UBAC2: variants seen among roughly 807,000 people sequenced by gnomAD.
UBAC2 encodes the protein UBA domain containing 2.
In UBAC2, 26 loss-of-function variants were observed where a neutral mutation model predicts 44.0. That is an observed-to-expected ratio of 0.59 (90% CI 0.43 to 0.82). The LOEUF (loss-of-function observed/expected upper bound fraction) is 0.82. UBAC2 is among the 40% of genes least tolerant of loss of function. The pLI is 0.00. For synonymous variants in UBAC2, 155 were observed against 154.3 expected (o/e 1.00, Z -0.04); for missense variants, 329 against 419.4 (o/e 0.78, Z 1.88).
chr13:99,265,481 T>A (rs1337861366), intron 4 of UBAC2, among the ~76,000 whole-genome samples: 1 of 152,256 alleles, frequency 6.6e-6, no homozygotes, highest in African/African-American at 2.4e-5. Context: ...ACATTTGATT[T>A]AGGATCAGTA....
At chr13:99,247,007 A>G (rs2043391917) in intron 4 of UBAC2, among the ~76,000 whole-genome samples, 1 of 152,092 alleles carries the variant, frequency 6.6e-6, no homozygotes, top group Non-Finnish European at 1.5e-5. Flanking sequence ...CATTTTTATT[A>G]TTATTTTTGG....
At chr13:99,357,347 T>C (rs1023677592) in intron 7 of UBAC2, among the ~76,000 whole-genome samples, 1 of 152,112 alleles carries the variant, frequency 6.6e-6, no homozygotes, top group East Asian at 1.9e-4. Context: ...GTGACTACAG[T>C]TTTAAGTCTA....
Position 99,353,277 on chromosome 13 carries a change from C to A in UBAC2, c.807+12712C>A, listed in dbSNP as rs2045123979. Among the ~76,000 whole-genome samples the A allele has an allele frequency of 3.9e-5, 6 of 152,348 alleles. No individual in the cohort carries two copies. The South Asian group carries it at 1.2e-3, about 32-fold the overall frequency. ...TATTTTCAGTGAAGTTACAGCTACG[C>A]TGTTTATCTCAATCTGTACCTCCTT... On this transcript the variant is annotated intron_variant, in intron 7 of 8. Coordinates refer to ENST00000403766, the MANE Select transcript of UBAC2 (RefSeq NM_001144072.2).
chr13:99,215,818 A>T (rs1420656138), intron 1 of UBAC2: 1 of 608,814 alleles, frequency 1.6e-6, no homozygotes, highest in Non-Finnish European at 2.9e-6. Context: ...CCGTGGTGAG[A>T]TCCCACCATC....
intron 4 of UBAC2, chr13:99,261,614 A>C (rs1364438722): frequency 6.6e-6 from 1 of 152,196 alleles, no homozygotes; most frequent in African/African-American, 2.4e-5. Flanking sequence ...AGACATTCAG[A>C]CACTTAACCT....
At chr13:99,266,313 C>T (rs558649413) in intron 4 of UBAC2, among the ~76,000 whole-genome samples, 1 of 152,112 alleles carries the variant, frequency 6.6e-6, no homozygotes, top group Non-Finnish European at 1.5e-5. Flanking sequence ...ATTGGGAGAA[C>T]TGTCTTGGGC....
chr13:99,216,735 G>A (rs905008484), intron 1 of UBAC2, among the ~76,000 whole-genome samples: 1 of 152,138 alleles, frequency 6.6e-6, no homozygotes, highest in African/African-American at 2.4e-5. Flanking sequence ...TTGGAAGGGC[G>A]GGAACGTGGA....
At chr13:99,331,136 C>T (rs1445485762) in intron 6 of UBAC2, among the ~76,000 whole-genome samples, 4 of 152,238 alleles carry the variant, frequency 2.6e-5, no homozygotes, top group African/African-American at 9.6e-5. Context: ...AGTCTGACCA[C>T]TGGTCTAAGT....
At chr13:99,360,072 A>G (rs1421061648) in intron 7 of UBAC2, among the ~76,000 whole-genome samples, 1 of 152,142 alleles carries the variant, frequency 6.6e-6, no homozygotes, top group Non-Finnish European at 1.5e-5. Flanking sequence ...CATCGCATTC[A>G]TAATGCCCCC....
intron 4 of UBAC2, among the ~76,000 whole-genome samples, chr13:99,265,642 C>T (rs543092251): frequency 5.3e-4 from 80 of 152,254 alleles, no homozygotes; most frequent in African/African-American, 1.9e-3. Flanking sequence ...CTGGCACGTG[C>T]GTCTTCAAAC....
At chr13:99,349,288 C>T (rs950267814) in intron 7 of UBAC2, among the ~76,000 whole-genome samples, 4 of 152,184 alleles carry the variant, frequency 2.6e-5, no homozygotes, top group African/African-American at 9.7e-5. Flanking sequence ...TGTTCTCTAC[C>T]ACTGGCCCCT....
At chr13:99,332,318 T>C (rs1489969208) in intron 6 of UBAC2, among the ~76,000 whole-genome samples, 2 of 152,166 alleles carry the variant, frequency 1.3e-5, no homozygotes, top group African/African-American at 4.8e-5. Context: ...TTTTGCATGT[T>C]TTCTACCCAG....
chr13:99,206,366 G>C (rs2042871997), intron 1 of UBAC2, among the ~76,000 whole-genome samples: 1 of 152,170 alleles, frequency 6.6e-6, no homozygotes, highest in East Asian at 1.9e-4. Flanking sequence ...CAGAAAGTAG[G>C]CAGAGCTGGG....
At chr13:99,258,461 G>C (rs2043607047) in intron 4 of UBAC2, 1 of 152,106 alleles carries the variant, frequency 6.6e-6, no homozygotes, top group Non-Finnish European at 1.5e-5. Flanking sequence ...TTTCACAAAT[G>C]ATTTGTTTAT....
intron 2 of UBAC2, among the ~76,000 whole-genome samples, chr13:99,241,743 CTTTT>C: frequency 8.1e-6 from 1 of 123,466 alleles, no homozygotes; most frequent in South Asian, 2.5e-4. Context: ...TTTTTTTCAA[CTTTT>C]TTTTTTTTTA....
At chr13:99,321,725 A>G (rs1273901088) in intron 6 of UBAC2, among the ~76,000 whole-genome samples, 2 of 152,270 alleles carry the variant, frequency 1.3e-5, no homozygotes, top group African/African-American at 4.8e-5. Context: ...ATGTCAGTAC[A>G]GTATTTTACT....
chr13:99,252,588 T>G (rs897424204), intron 4 of UBAC2, among the ~76,000 whole-genome samples: 1 of 152,244 alleles, frequency 6.6e-6, no homozygotes, highest in Non-Finnish European at 1.5e-5. Context: ...CCATATGTGT[T>G]AGGCATTTCT....
intron 7 of UBAC2, among the ~76,000 whole-genome samples, chr13:99,356,766 A>T (rs1330274491): frequency 1.3e-5 from 2 of 152,216 alleles, no homozygotes; most frequent in Non-Finnish European, 2.9e-5. Flanking sequence ...TGAGTTTTCT[A>T]AGGTTCCTAT....
chr13:99,223,205 A>G (rs1011051119), intron 1 of UBAC2, among the ~76,000 whole-genome samples: 7 of 152,358 alleles, frequency 4.6e-5, no homozygotes, highest in Admixed American at 3.3e-4. Context: ...AATACATAAC[A>G]TAAAACTTAC....
Sources: gnomAD v4.1 joint callset for allele counts (sites outside exome capture counted in the v4.1 genomes callset) on GRCh38, gnomAD v4.1.1 for gene constraint, MANE v1.5 for transcripts, NCBI Gene and HGNC (gene_info 2026-07-23, HGNC 2026-07-21) for gene names.